Variants in MBNL1 observed in about 807,000 individuals in gnomAD.
MBNL1 encodes the protein muscleblind-like protein 1.
Under a neutral mutation model 42.2 loss-of-function variants are expected in MBNL1, and 8 were observed. The observed-to-expected ratio is 0.19, with a 90% confidence interval of 0.11 to 0.34. The LOEUF is 0.34. MBNL1 is among the 10% of genes least tolerant of loss of function. MBNL1 has a pLI of 1.00. For synonymous variants in MBNL1, 169 were observed against 173.9 expected, an observed-to-expected ratio of 0.97 and a Z score of 0.22; for missense variants, 309 against 495.3, an observed-to-expected ratio of 0.62 and a Z score of 3.57.
chr3:152,251,879 G>T (rs188812247), intron 2 of MBNL1, among the ~76,000 whole-genome samples: 2 of 151,918 alleles, frequency 1.3e-5, no homozygotes, highest in Admixed American at 6.6e-5. Context: ...CTTGTCAAAT[G>T]CAATCTTTAC....
intron 8 of MBNL1, 65 bp downstream of exon 8, chr3:152,456,426 T>TA (rs1346887621): frequency 6.9e-6 from 9 of 1,300,268 alleles, no homozygotes; most frequent in Admixed American, 6.7e-5. Context: ...CAACAGCCCT[T>TA]ACGCACGTGG....
At chr3:152,330,928 A>G (rs2083956055) in intron 2 of MBNL1, among the ~76,000 whole-genome samples, 1 of 152,130 alleles carries the variant, frequency 6.6e-6, no homozygotes, top group Admixed American at 6.6e-5. Context: ...AGGATTATCT[A>G]CTATATACAG....
chr3:152,463,195 A>C lies in MBNL1; in HGVS notation c.*829A>C, dbSNP rs1411429981. ...TCAGAAATGGCCAATTTAACTTTAC[A>C]GTAACAATAGACAGCACAACACAAA... On this transcript the variant is annotated 3_prime_UTR_variant, in exon 10 of 10. Transcript: ENST00000324210. 6.6e-6 allele frequency: 1 copy of C among 150,988 alleles called. No homozygotes were observed. Among genetic ancestry groups the C allele is most frequent in the Non-Finnish European group, 1.5e-5 (1 of 67,680 alleles). 9.4% of individuals were successfully genotyped at this position (150,988 alleles called of 1,614,324 possible).
chr3:152,400,792 T>G (rs897418098), intron 2 of MBNL1, among the ~76,000 whole-genome samples: 5 of 152,194 alleles, frequency 3.3e-5, no homozygotes, highest in Non-Finnish European at 7.3e-5. Context: ...AATGGATAAT[T>G]TAAAAATAGA....
At chr3:152,440,300 C>G (rs1044250390) in intron 4 of MBNL1, among the ~76,000 whole-genome samples, 2 of 152,130 alleles carry the variant, frequency 1.3e-5, no homozygotes, top group African/African-American at 2.4e-5. Context: ...CATTTTCACG[C>G]TGCTGATAAA....
chr3:152,363,086 A>T (rs1578706911), intron 2 of MBNL1, among the ~76,000 whole-genome samples: 1 of 152,210 alleles, frequency 6.6e-6, no homozygotes, highest in Admixed American at 6.5e-5. Context: ...TGACATAATA[A>T]TAGGAGAAAT....
intron 2 of MBNL1, chr3:152,338,314 A>G (rs959400142): frequency 2.0e-6 from 2 of 985,198 alleles, no homozygotes; most frequent in Admixed American, 6.2e-5. Context: ...CTGCGTGGTC[A>G]TGTCTCCACT....
intron 2 of MBNL1, among the ~76,000 whole-genome samples, chr3:152,402,066 GT>G (rs2098249175): frequency 6.6e-6 from 1 of 151,292 alleles, no homozygotes; most frequent in African/African-American, 2.4e-5. Flanking sequence ...TAGAGGCTTT[GT>G]TGGGTTAGTT....
At chr3:152,319,070 CAAA>C (rs1436487609) in intron 2 of MBNL1, among the ~76,000 whole-genome samples, 1 of 152,094 alleles carries the variant, frequency 6.6e-6, no homozygotes, top group African/African-American at 2.4e-5. Flanking sequence ...GTTGGAGAGA[CAAA>C]TCAGTGAGTA....
At chr3:152,422,241 A>C (rs2098817535) in intron 3 of MBNL1, among the ~76,000 whole-genome samples, 1 of 144,332 alleles carries the variant, frequency 6.9e-6, no homozygotes, top group Non-Finnish European at 1.5e-5. Context: ...AAAGGGATGG[A>C]GGAATATTTA....
intron 2 of MBNL1, among the ~76,000 whole-genome samples, chr3:152,361,257 A>G (rs532484768): frequency 5.9e-5 from 9 of 152,180 alleles, no homozygotes; most frequent in African/African-American, 1.7e-4. Flanking sequence ...CTCATCTCAC[A>G]TGAGAGACAG....
intron 8 of MBNL1, among the ~76,000 whole-genome samples, chr3:152,457,157 T>G (rs1735299568): frequency 6.6e-6 from 1 of 152,208 alleles, no homozygotes; most frequent in African/African-American, 2.4e-5. Flanking sequence ...ATTTAAAATT[T>G]AAAAATTGAC....
At chr3:152,365,582 G>A (rs1303231659) in intron 2 of MBNL1, among the ~76,000 whole-genome samples, 2 of 152,080 alleles carry the variant, frequency 1.3e-5, no homozygotes, top group Non-Finnish European at 2.9e-5. Context: ...GTAATGTTAA[G>A]CAGTTAATTT....
At chr3:152,445,906 T>G (rs984437260) in intron 5 of MBNL1, among the ~76,000 whole-genome samples, 2 of 152,244 alleles carry the variant, frequency 1.3e-5, no homozygotes, top group African/African-American at 4.8e-5. Flanking sequence ...TGGTGTGTTC[T>G]TTTGCACATC....
At chr3:152,247,069 T>G (rs754871695) in intron 2 of MBNL1, among the ~76,000 whole-genome samples, 1 of 152,170 alleles carries the variant, frequency 6.6e-6, no homozygotes, top group Non-Finnish European at 1.5e-5. Context: ...GATTTAGTTT[T>G]TGTTTAGCTG....
intron 3 of MBNL1, among the ~76,000 whole-genome samples, chr3:152,425,952 G>T (rs912123572): frequency 7.9e-5 from 12 of 152,120 alleles, no homozygotes; most frequent in African/African-American, 2.9e-4. Flanking sequence ...CAACCCAAAT[G>T]TCCATCAATG....
chr3:152,415,262 G>A (rs2098678079), intron 3 of MBNL1, 151 bp downstream of exon 3: 1 of 688,392 alleles, frequency 1.5e-6, no homozygotes, highest in Admixed American at 3.9e-5. Context: ...TCAGTCAAAT[G>A]CTGGAACAAT....
rs747399065 is a variant in MBNL1 at position 152,299,798 on chromosome 3, G to C, written c.-396G>C. 1.1e-4 allele frequency: 46 copies of C among 402,130 alleles called. No homozygotes were observed. The highest frequency in any genetic ancestry group is 1.6e-4 in the Non-Finnish European group (36 of 228,476). The allele number at this position is 402,130 out of a possible 1,614,324, so 24.9% of individuals were successfully genotyped here. On this transcript the variant is annotated 5_prime_UTR_variant, in exon 2 of 10. Coordinates refer to ENST00000324210, the MANE Select transcript of MBNL1 (RefSeq NM_021038.5). ...AGATTCCCTTTCAGACAACTTTGCTGAAAGCAGCTTGGAAATTCGGTGTCG... is the reference window on the plus strand; with the variant it reads ...AGATTCCCTTTCAGACAACTTTGCTCAAAGCAGCTTGGAAATTCGGTGTCG...
At chr3:152,336,022 G>C (rs1480054656) in intron 2 of MBNL1, among the ~76,000 whole-genome samples, 1 of 152,134 alleles carries the variant, frequency 6.6e-6, no homozygotes, top group East Asian at 1.9e-4. Flanking sequence ...CTACTATGTT[G>C]CTAGGCAAAC....
Sources: allele counts gnomAD v4.1 joint callset (sites outside exome capture counted in the v4.1 genomes callset), GRCh38; gene constraint gnomAD v4.1.1; transcripts MANE v1.5; gene names NCBI Gene and HGNC (gene_info 2026-07-23, HGNC 2026-07-21).